Variants in MPPED1 observed in about 807,000 individuals in gnomAD.
The protein encoded by MPPED1 is metallophosphoesterase domain containing 1, also known as metallophosphoesterase domain-containing protein 1.
In MPPED1, 16 loss-of-function variants were observed where a neutral mutation model predicts 36.2. The observed-to-expected ratio is 0.44, with a 90% confidence interval of 0.30 to 0.67. The LOEUF (loss-of-function observed/expected upper bound fraction) is 0.67. MPPED1 is among the 30% of genes least tolerant of loss of function. The probability of loss-of-function intolerance (pLI) is 0.10; values close to 1 mark genes in which losing one functional copy is unlikely to be tolerated. For missense variants in MPPED1, 307 were observed against 453.4 expected (o/e 0.68, Z 2.93); for synonymous variants, 199 against 191.3 (o/e 1.04, Z -0.33).
chr22:43,430,039 CCAGT>C (rs1175482682), intron 2 of MPPED1, among the ~76,000 whole-genome samples: 1 of 152,158 alleles, frequency 6.6e-6, no homozygotes, highest in African/African-American at 2.4e-5. Flanking sequence ...GCTGATCCAG[CCAGT>C]CATTGTGCCT....
At position 43,412,074 on chromosome 22, in the gene MPPED1, G is replaced by C. The variant is rs1601938673; in HGVS notation, c.-163G>C. 1.0e-6 allele frequency: 1 copy of C among 979,476 alleles called. No individual in the cohort carries two copies. The allele number at this position is 979,476 out of a possible 1,614,324, so 60.7% of individuals were successfully genotyped here. On this transcript the variant is annotated 5_prime_UTR_variant, in exon 1 of 7. Coordinates refer to ENST00000443721, the MANE Select transcript of MPPED1 (RefSeq NM_001044370.2). ...GCCGGAGGAGCCCCCGCCCCTGCGCGCCTCCCTCCCGGGAGCCCCTGCCTC... is the reference window on the plus strand; with the variant it reads ...GCCGGAGGAGCCCCCGCCCCTGCGCCCCTCCCTCCCGGGAGCCCCTGCCTC...
chr22:43,473,656 G>A (rs1387106500), intron 3 of MPPED1, among the ~76,000 whole-genome samples: 5 of 152,180 alleles, frequency 3.3e-5, no homozygotes, highest in African/African-American at 1.2e-4. Context: ...CTGGTGGGGA[G>A]TGGGGAGTCA....
At chr22:43,432,089 T>A (rs910541240) in intron 2 of MPPED1, among the ~76,000 whole-genome samples, 2 of 152,058 alleles carry the variant, frequency 1.3e-5, no homozygotes, top group African/African-American at 4.8e-5. Flanking sequence ...GACTGTCGGG[T>A]CCCTAGCAGC....
At position 43,457,710 on chromosome 22, in the gene MPPED1, A is replaced by AT. The variant is rs546211064; in HGVS notation, c.407-17018dup. Among the ~76,000 whole-genome samples the AT allele has an allele frequency of 1.0e-3, 154 of 152,118 alleles. 1 individual carries two copies. The highest frequency in any genetic ancestry group is 2.3e-3 in the South Asian group (11 of 4,820). On this transcript the variant is annotated intron_variant, in intron 3 of 6. Coordinates refer to ENST00000443721, the MANE Select transcript of MPPED1 (RefSeq NM_001044370.2). ...TTGTTGCCCTGGGCATTATAATTAA[A>AT]TTTTTTTTACCTTATAACAATCTAG...
chr22:43,415,889 C>A (rs1199441627), intron 1 of MPPED1, among the ~76,000 whole-genome samples: 1 of 152,212 alleles, frequency 6.6e-6, no homozygotes, highest in Non-Finnish European at 1.5e-5. Flanking sequence ...CACGAAGAGA[C>A]TTTTGGCATC....
rs1929661332 is a variant in MPPED1 at position 43,431,020 on chromosome 22, AATTTTTTTTTTTTTTTTTT to A, written c.225-4013_225-3995del. 7.2e-5 allele frequency among the ~76,000 whole-genome samples: 4 copies of A among 55,722 alleles called. No individual in the cohort carries two copies. The South Asian group carries it at 2.2e-3, about 30-fold the overall frequency. 36.6% of individuals were successfully genotyped at this position (55,722 alleles called of 152,430 possible). On this transcript the variant is annotated intron_variant, in intron 2 of 6. Coordinates refer to ENST00000443721, the MANE Select transcript of MPPED1 (RefSeq NM_001044370.2). ...ACTGTCTCTTTCTACTGTTGTTGTTAATTTTTTTTTTTTTTTTTTTTTTTTTTTTTTTTTTTTTTTAGAC... is the reference window on the plus strand; with the variant it reads ...ACTGTCTCTTTCTACTGTTGTTGTTATTTTTTTTTTTTTTTTTTTTTAGAC...
intron 5 of MPPED1, 137 bp downstream of exon 5, chr22:43,498,487 C>T (rs905569771): frequency 2.0e-5 from 12 of 611,312 alleles, no homozygotes; most frequent in South Asian, 1.7e-4. Flanking sequence ...ACTGAGGACA[C>T]GTCGCCCCAT....
chr22:43,470,082 C>T (rs865846945), intron 3 of MPPED1, among the ~76,000 whole-genome samples: 2 of 149,628 alleles, frequency 1.3e-5, no homozygotes, highest in African/African-American at 2.5e-5. Flanking sequence ...CATCCAGCCA[C>T]CCATCCATCC....
At chr22:43,453,643 A>C (rs1384318699) in intron 3 of MPPED1, among the ~76,000 whole-genome samples, 2 of 152,240 alleles carry the variant, frequency 1.3e-5, no homozygotes, top group East Asian at 3.9e-4. Context: ...TTTATTTCCA[A>C]GATGAGAATG....
chr22:43,417,897 G>A, intron 1 of MPPED1: 1 of 382,014 alleles, frequency 2.6e-6, no homozygotes, highest in Non-Finnish European at 5.2e-6. Flanking sequence ...GTGCGTCTAG[G>A]ATCCTGGTGA....
intron 4 of MPPED1, among the ~76,000 whole-genome samples, chr22:43,475,849 ATGG>A (rs1408700692): frequency 2.7e-5 from 4 of 146,856 alleles, no homozygotes; most frequent in African/African-American, 7.6e-5. Flanking sequence ...GGTGATAATG[ATGG>A]TGATGATGAT....
At chr22:43,447,548 G>A (rs565768431) in intron 3 of MPPED1, among the ~76,000 whole-genome samples, 80 of 151,894 alleles carry the variant, frequency 5.3e-4, no homozygotes, top group Middle Eastern at 3.2e-3. Flanking sequence ...TCAGAAGCCC[G>A]GGGACTAGTT....
At chr22:43,444,279 G>GGTGTGTGTGTGTGTGTGT (rs35340638) in intron 3 of MPPED1, among the ~76,000 whole-genome samples, 7 of 141,934 alleles carry the variant, frequency 4.9e-5, no homozygotes, top group Admixed American at 7.1e-5. Context: ...GACCCACTGG[G>GGTGTGTGTGTGTGTGTGT]GTGTGTGTGT....
chr22:43,452,922 A>C (rs1018038133), intron 3 of MPPED1, among the ~76,000 whole-genome samples: 1 of 151,004 alleles, frequency 6.6e-6, no homozygotes, highest in African/African-American at 2.4e-5. Context: ...TACCACACCT[A>C]GCCAGAAATA....
intron 4 of MPPED1, among the ~76,000 whole-genome samples, chr22:43,495,484 GGTGGAGGTA>G (rs1260260933): frequency 0.015 from 548 of 36,208 alleles, 40 homozygotes; most frequent in African/African-American, 0.039. Context: ...TGGAGGTGGT[GGTGGAGGTA>G]GTGGTGGTGG....
chr22:43,434,963 G>A (rs186104184), intron 2 of MPPED1, 71 bp from the exon 3 acceptor site: 4 of 1,493,684 alleles, frequency 2.7e-6, no homozygotes, highest in Admixed American at 3.4e-5. Context: ...GGTGGATGGG[G>A]CTGCAGACAC....
chr22:43,435,453 AT>A (rs135070), intron 3 of MPPED1, among the ~76,000 whole-genome samples: 47,349 of 148,080 alleles, frequency 0.32, 8,258 homozygotes, highest in East Asian at 0.7. Context: ...TGTTTGTGGG[AT>A]TTTTTTTTTT....
chr22:43,497,929 G>GTGTATATATATATATATATATATA lies in MPPED1; in HGVS notation c.633-305_633-304insGTATATATATATATATATATATAT, dbSNP rs1555904565. Among the ~76,000 whole-genome samples the GTGTATATATATATATATATATATA allele has an allele frequency of 1.1e-3, 53 of 48,720 alleles. 3 individuals carry two copies. Among genetic ancestry groups the GTGTATATATATATATATATATATA allele is most frequent in the African/African-American group, 2.8e-3 (45 of 15,832 alleles). The allele number at this position is 48,720 out of a possible 152,430, so 32.0% of individuals were successfully genotyped here. A position where few individuals can be genotyped will look rare whatever the true frequency, so the allele number is the denominator to read the frequency against. ...CTTAGGAAGAAGCTGATATATATAT[G>GTGTATATATATATATATATATATA]TATATGTATATATATATATGTATTT... On this transcript the variant is annotated intron_variant, in intron 4 of 6. Transcript: ENST00000443721.
chr22:43,441,938 C>A lies in MPPED1; in HGVS notation c.406+6723C>A, dbSNP rs1029972399. 3.2e-4 allele frequency among the ~76,000 whole-genome samples: 48 copies of A among 152,196 alleles called. 1 individual carries two copies. The highest frequency in any genetic ancestry group is 2.4e-3 in the Admixed American group (37 of 15,290). On this transcript the variant is annotated intron_variant, in intron 3 of 6. Coordinates refer to ENST00000443721, the MANE Select transcript of MPPED1 (RefSeq NM_001044370.2). Reference sequence around the variant, plus strand: ...CCAGGGCGCCTGCCGGCGGAATGGGCACCTTCTCTGTTCAAGGTTCCAAGT... The same window carrying A: ...CCAGGGCGCCTGCCGGCGGAATGGGAACCTTCTCTGTTCAAGGTTCCAAGT...
Sources: gnomAD v4.1 joint callset for allele counts (sites outside exome capture counted in the v4.1 genomes callset) on GRCh38, gnomAD v4.1.1 for gene constraint, MANE v1.5 for transcripts, NCBI Gene and HGNC (gene_info 2026-07-23, HGNC 2026-07-21) for gene names.